Variants in STPG2 observed in about 807,000 individuals in gnomAD.
The protein encoded by STPG2 is sperm-tail PG-rich repeat-containing protein 2.
A neutral mutation model predicts 54.2 loss-of-function variants in STPG2; 56 were observed. That is an observed-to-expected ratio of 1.03 (90% CI 0.83 to 1.29). The LOEUF is 1.29. Among genes scored for constraint, STPG2 ranks in the 50% most tolerant of loss-of-function variants. STPG2 has a pLI of 0.00. For synonymous variants in STPG2, 200 were observed against 181.8 expected (o/e 1.10, Z -0.81); for missense variants, 596 against 544.9 (o/e 1.09, Z -0.93).
chr4:97,548,683 A>G (rs1731899187), intron 4 of STPG2, among the ~76,000 whole-genome samples: 1 of 152,166 alleles, frequency 6.6e-6, no homozygotes, highest in South Asian at 2.1e-4. Flanking sequence ...TTGCTATAAT[A>G]GTAATACAAT....
intron 4 of STPG2, among the ~76,000 whole-genome samples, chr4:97,442,017 AG>A (rs1042151454): frequency 3.9e-5 from 6 of 152,054 alleles, no homozygotes; most frequent in Admixed American, 1.3e-4. Context: ...AACACATTAG[AG>A]GCTCTACTAG....
At chr4:97,573,537 T>A (rs1252420878) in intron 10 of STPG2, among the ~76,000 whole-genome samples, 1 of 151,812 alleles carries the variant, frequency 6.6e-6, no homozygotes, top group East Asian at 1.9e-4. Context: ...AACATAGTAA[T>A]CATTTTAAAT....
chr4:97,962,959 GA>G (rs924228597), intron 7 of STPG2, among the ~76,000 whole-genome samples: 2 of 152,042 alleles, frequency 1.3e-5, no homozygotes, highest in African/African-American at 4.8e-5. Context: ...AGGAGTTCGA[GA>G]TCAGCCTGAC....
chr4:97,707,501 A>G (rs1723984448), intron 10 of STPG2, among the ~76,000 whole-genome samples: 1 of 152,196 alleles, frequency 6.6e-6, no homozygotes, highest in Non-Finnish European at 1.5e-5. Context: ...AACCTGGGCA[A>G]CAGAGTGAGA....
At chr4:97,798,347 G>A (rs1448523812) in intron 9 of STPG2, among the ~76,000 whole-genome samples, 4 of 152,062 alleles carry the variant, frequency 2.6e-5, no homozygotes, top group South Asian at 2.1e-4. Context: ...TCTACCCACT[G>A]CCTTAAATGT....
At chr4:98,012,944 C>T (rs921599669) in intron 5 of STPG2, among the ~76,000 whole-genome samples, 1 of 152,188 alleles carries the variant, frequency 6.6e-6, no homozygotes, top group Non-Finnish European at 1.5e-5. Flanking sequence ...CTCTTTAATT[C>T]TTTCTCTTGC....
At chr4:98,045,297 A>G (rs17483120) in intron 5 of STPG2, among the ~76,000 whole-genome samples, 2,078 of 152,194 alleles carry the variant, frequency 0.014, 19 homozygotes, top group Non-Finnish European at 0.02. Context: ...GTCTTGATTT[A>G]TGTCAGAATC....
chr4:97,739,181 A>G (rs1380162850), intron 9 of STPG2, among the ~76,000 whole-genome samples: 2 of 152,214 alleles, frequency 1.3e-5, no homozygotes, highest in East Asian at 3.9e-4. Flanking sequence ...CAAAGACACA[A>G]CATACCAGAA....
intron 9 of STPG2, among the ~76,000 whole-genome samples, chr4:97,799,609 C>G (rs1357750827): frequency 2.6e-5 from 4 of 152,176 alleles, no homozygotes; most frequent in Non-Finnish European, 5.9e-5. Flanking sequence ...TCTGGCTGCC[C>G]TTAACATTTT....
chr4:97,570,787 G>A (rs1234393796), intron 10 of STPG2, among the ~76,000 whole-genome samples: 8 of 151,922 alleles, frequency 5.3e-5, no homozygotes, highest in Admixed American at 5.3e-4. Flanking sequence ...CTAAAAATTT[G>A]TTATTTTTTA....
intron 10 of STPG2, among the ~76,000 whole-genome samples, chr4:97,703,822 A>C (rs931115496): frequency 2.7e-5 from 4 of 149,026 alleles, no homozygotes; most frequent in Non-Finnish European, 4.4e-5. Flanking sequence ...GTATATATAC[A>C]TATATACACA....
chr4:97,532,958 C>CT (rs1381894703), intron 4 of STPG2, among the ~76,000 whole-genome samples: 4 of 152,194 alleles, frequency 2.6e-5, no homozygotes, highest in African/African-American at 9.6e-5. Context: ...TCCCAGCTCA[C>CT]TGCAAGCTCT....
chr4:97,818,935 A>C lies in STPG2; in HGVS notation c.1204+21838T>G, dbSNP rs148290993. On this transcript the variant is annotated intron_variant, in intron 9 of 10. Coordinates refer to ENST00000295268, the MANE Select transcript of STPG2 (RefSeq NM_174952.3). ...ATTTACTCTCTCTGTATATATATTT[A>C]TGTATCTCTTATATAAATATACATA... is the stretch of plus-strand genomic sequence containing the variant. Among the ~76,000 whole-genome samples, 621 of 148,294 alleles carry C rather than the reference A, an allele frequency of 4.2e-3. 1 individual carries two copies. The highest frequency in any genetic ancestry group is 0.024 in the South Asian group (114 of 4,766).
intron 4 of STPG2, among the ~76,000 whole-genome samples, chr4:97,532,228 A>AT (rs1277797573): frequency 2.6e-5 from 4 of 151,974 alleles, no homozygotes; most frequent in African/African-American, 7.2e-5. Context: ...ATATTTAGTG[A>AT]TTTTTTCATA....
chr4:97,850,108 C>A (rs947085198), intron 8 of STPG2, among the ~76,000 whole-genome samples: 2 of 150,896 alleles, frequency 1.3e-5, no homozygotes, highest in African/African-American at 4.9e-5. Context: ...ATGATGAGTT[C>A]ATGTCCTTTG....
intron 4 of STPG2, among the ~76,000 whole-genome samples, chr4:97,508,355 A>T (rs1426030891): frequency 6.6e-6 from 1 of 152,122 alleles, no homozygotes. Flanking sequence ...CAGATAATGG[A>T]CACATGACAC....
intron 5 of STPG2, among the ~76,000 whole-genome samples, chr4:98,081,574 T>G (rs1738345992): frequency 2.0e-5 from 3 of 152,224 alleles, no homozygotes; most frequent in South Asian, 4.1e-4. Flanking sequence ...CAGCTTTACA[T>G]GAACTATTAT....
chr4:98,107,868 A>G (rs1272925675), intron 4 of STPG2, among the ~76,000 whole-genome samples: 1 of 152,118 alleles, frequency 6.6e-6, no homozygotes, highest in African/African-American at 2.4e-5. Flanking sequence ...ATATGTCAAG[A>G]AGACTATGAT....
At chr4:98,034,963 T>A (rs76370140) in intron 5 of STPG2, among the ~76,000 whole-genome samples, 59,983 of 151,950 alleles carry the variant, frequency 0.39, 12,071 homozygotes, top group Middle Eastern at 0.46. Flanking sequence ...TGGATTAAAG[T>A]CTTAAATGTA....
Sources: allele counts gnomAD v4.1 joint callset (sites outside exome capture counted in the v4.1 genomes callset), GRCh38; gene constraint gnomAD v4.1.1; transcripts MANE v1.5; gene names NCBI Gene and HGNC (gene_info 2026-07-23, HGNC 2026-07-21).